The following PTP4A2 variants were observed in gnomAD, a reference collection of about 807,000 sequenced individuals.
PTP4A2 encodes protein tyrosine phosphatase 4A2, also known as protein tyrosine phosphatase type IVA 2.
In PTP4A2, 2 loss-of-function variants were observed where a neutral mutation model predicts 22.9. The observed-to-expected ratio is 0.09, with a 90% confidence interval of 0.04 to 0.27. The LOEUF (loss-of-function observed/expected upper bound fraction) is 0.27. Among genes scored for constraint, PTP4A2 ranks in the 10% least tolerant of loss-of-function variants. The pLI is 1.00. For missense variants in PTP4A2, 103 were observed against 205.1 expected, an observed-to-expected ratio of 0.50 and a Z score of 3.04; for synonymous variants, 68 against 69.1, an observed-to-expected ratio of 0.98 and a Z score of 0.08.
chr1:31,924,679 T>A (rs1005054804), intron 1 of PTP4A2, among the ~76,000 whole-genome samples: 2 of 152,224 alleles, frequency 1.3e-5, no homozygotes, highest in African/African-American at 4.8e-5. Flanking sequence ...GCTAGTTTAC[T>A]TGACATATAA....
Position 31,907,033 on chromosome 1 carries a change from GGA to G in PTP4A2, c.*1817_*1818del, listed in dbSNP as rs1651208671. ...TTATTTTGTTTTGTTTTCTGGGATG[GGA>G]GAGGAGAGAATCTACAGATTTGCGT... On this transcript the variant is annotated 3_prime_UTR_variant, in exon 6 of 6. Transcript: ENST00000647444. The G allele has an allele frequency of 6.6e-6, 1 of 152,172 alleles. No homozygotes were observed. Among genetic ancestry groups the G allele is most frequent in the African/African-American group, 2.4e-5 (1 of 41,418 alleles). The allele number at this position is 152,172 out of a possible 1,614,324, so 9.4% of individuals were successfully genotyped here.
At position 31,911,840 on chromosome 1, in the gene PTP4A2, AC is replaced by A; in HGVS notation, c.190-15del. Reference sequence around the variant, plus strand: ...AAATGGCCAATCCTGAAAAGAAATGACCTTTTACATTAAATTGATATTTTCT... The same window carrying A: ...AAATGGCCAATCCTGAAAAGAAATGACTTTTACATTAAATTGATATTTTCT... On this transcript the variant is annotated splice_polypyrimidine_tract_variant and intron_variant, in intron 3 of 5. Coordinates refer to ENST00000647444, the MANE Select transcript of PTP4A2 (RefSeq NM_080391.4). 1.9e-6 allele frequency: 3 copies of A among 1,547,502 alleles called. No individual in the cohort carries two copies. The highest frequency in any genetic ancestry group is 2.6e-6 in the Non-Finnish European group (3 of 1,147,464).
intron 1 of PTP4A2, among the ~76,000 whole-genome samples, chr1:31,923,464 A>T (rs1279756184): frequency 6.7e-6 from 1 of 149,676 alleles, no homozygotes; most frequent in Non-Finnish European, 1.5e-5. Context: ...CCTCCCGAGT[A>T]GCTGGGACTA....
chr1:31,919,075 TAAA>T lies in PTP4A2; in HGVS notation c.-13_-11del, dbSNP rs766344548. 3 of 1,501,190 alleles carry T rather than the reference TAAA, an allele frequency of 2.0e-6. No individual in the cohort carries two copies. Among genetic ancestry groups the T allele is most frequent in the East Asian group, 2.3e-5 (1 of 44,142 alleles). The allele number at this position is 1,501,190 out of a possible 1,614,324, so 93.0% of individuals were successfully genotyped here. ...GGGCTGGACGGTTCATTATGGCAAA[TAAA>T]AAGTGTGAGCGTGCGTGTGAGTGTG... On this transcript the variant is annotated 5_prime_UTR_variant, in exon 2 of 6. Transcript: ENST00000647444.
rs1287833429 is a variant in PTP4A2 at position 31,906,647 on chromosome 1, T to C, written c.*2205A>G. 1 of 152,052 alleles carries C rather than the reference T, an allele frequency of 6.6e-6. No individual in the cohort carries two copies. The highest frequency in any genetic ancestry group is 6.6e-5 in the Admixed American group (1 of 15,260). The allele number at this position is 152,052 out of a possible 1,614,324, so 9.4% of individuals were successfully genotyped here. On this transcript the variant is annotated 3_prime_UTR_variant, in exon 6 of 6. Transcript: ENST00000647444. ...ATAAAAGGAGGGCTAATGTTTCATG[T>C]TGCTTTATACATCCTTCTCCTCAAT... is the stretch of plus-strand genomic sequence containing the variant.
intron 1 of PTP4A2, among the ~76,000 whole-genome samples, chr1:31,920,730 G>A (rs940002550): frequency 1.3e-5 from 2 of 151,750 alleles, no homozygotes; most frequent in African/African-American, 4.8e-5. Flanking sequence ...TAGAGACGGG[G>A]CTTCACCACG....
intron 1 of PTP4A2, among the ~76,000 whole-genome samples, chr1:31,934,239 C>T (rs1652844405): frequency 6.6e-6 from 1 of 152,090 alleles, no homozygotes; most frequent in Non-Finnish European, 1.5e-5. Context: ...GCCTGGGCAA[C>T]AAGGGCAAAA....
At chr1:31,921,168 A>C (rs1020559690) in intron 1 of PTP4A2, among the ~76,000 whole-genome samples, 4 of 152,338 alleles carry the variant, frequency 2.6e-5, no homozygotes, top group African/African-American at 7.2e-5. Flanking sequence ...TTTAAAAATC[A>C]TTTCCCCTTT....
chr1:31,919,095 G>A lies in PTP4A2; in HGVS notation c.-30C>T, dbSNP rs767614232. ...GCAAATAAAAAGTGTGAGCGTGCGT[G>A]TGAGTGTGATGGGGAAAGTGAAAAA... is the stretch of plus-strand genomic sequence containing the variant. On this transcript the variant is annotated 5_prime_UTR_variant, in exon 2 of 6. Transcript: ENST00000647444. 1.8e-6 allele frequency: 2 copies of A among 1,142,654 alleles called. No individual in the cohort carries two copies. Among genetic ancestry groups the A allele is most frequent in the African/African-American group, 1.5e-5 (1 of 64,890 alleles). 70.8% of individuals were successfully genotyped at this position (1,142,654 alleles called of 1,614,324 possible). A position where few individuals can be genotyped will look rare whatever the true frequency, so the allele number is the denominator to read the frequency against.
chr1:31,917,130 T>A (rs1468899157), intron 2 of PTP4A2, among the ~76,000 whole-genome samples: 1 of 152,260 alleles, frequency 6.6e-6, no homozygotes, highest in East Asian at 1.9e-4. Context: ...CCTGTGCCAC[T>A]TCTGGAGACT....
rs138462840 is a variant in PTP4A2, at chr1:31,926,135, T to TAAA, written c.-593-6480_-593-6478dup. Among the ~76,000 whole-genome samples, 555 of 120,566 alleles carry TAAA rather than the reference T, an allele frequency of 4.6e-3. 6 individuals are homozygous for TAAA. The highest frequency in any genetic ancestry group is 0.016 in the African/African-American group (528 of 33,634). 79.1% of individuals were successfully genotyped at this position (120,566 alleles called of 152,430 possible). A position where few individuals can be genotyped will look rare whatever the true frequency, so the allele number is the denominator to read the frequency against. On this transcript the variant is annotated intron_variant, in intron 1 of 5. Coordinates refer to ENST00000647444, the MANE Select transcript of PTP4A2 (RefSeq NM_080391.4). ...AGAGCTAGATTCCGTTTCAAAAAAT[T>TAAA]AAAAAAAAAAAAAAATATATATATA...
chr1:31,914,699 C>A (rs146069779), intron 3 of PTP4A2, among the ~76,000 whole-genome samples: 1 of 152,176 alleles, frequency 6.6e-6, no homozygotes, highest in African/African-American at 2.4e-5. Flanking sequence ...CATTTCATTA[C>A]GTGCTCCTAA....
chr1:31,930,710 G>A (rs1258632663), intron 1 of PTP4A2, among the ~76,000 whole-genome samples: 1 of 152,134 alleles, frequency 6.6e-6, no homozygotes, highest in Non-Finnish European at 1.5e-5. Flanking sequence ...AAGATAAACA[G>A]TCAAGAATCC....
intron 3 of PTP4A2, chr1:31,914,326 C>T (rs1557862018): frequency 2.2e-6 from 1 of 455,396 alleles, no homozygotes; most frequent in East Asian, 7.0e-5. Context: ...CTTGGCCTCC[C>T]AGAGTGGTGG....
At chr1:31,929,907 T>C (rs1249316812) in intron 1 of PTP4A2, among the ~76,000 whole-genome samples, 4 of 152,230 alleles carry the variant, frequency 2.6e-5, no homozygotes, top group African/African-American at 9.6e-5. Flanking sequence ...TTAAAATGGC[T>C]GTAACAGCTG....
chr1:31,931,164 A>T (rs1303446033), intron 1 of PTP4A2: 1 of 152,246 alleles, frequency 6.6e-6, no homozygotes, highest in African/African-American at 2.4e-5. Context: ...AACGTGGGTG[A>T]AAAATGCTTG....
At position 31,930,220 on chromosome 1, in the gene PTP4A2, T is replaced by C. The variant is rs149885844; in HGVS notation, c.-594+7767A>G. ...GGGCGAGGTGGCGGGCGCCTGTAGTTCCAGCTACTAGGGAGGCTGAGGCAG... is the reference window on the plus strand; with the variant it reads ...GGGCGAGGTGGCGGGCGCCTGTAGTCCCAGCTACTAGGGAGGCTGAGGCAG... On this transcript the variant is annotated intron_variant, in intron 1 of 5. Coordinates refer to ENST00000647444, the MANE Select transcript of PTP4A2 (RefSeq NM_080391.4). Among the ~76,000 whole-genome samples the C allele has an allele frequency of 7.5e-3, 1,123 of 150,738 alleles. 8 individuals carry two copies. Among genetic ancestry groups the C allele is most frequent in the Non-Finnish European group, 0.012 (838 of 67,962 alleles).
intron 1 of PTP4A2, among the ~76,000 whole-genome samples, chr1:31,936,968 T>C (rs988186176): frequency 6.6e-6 from 1 of 152,196 alleles, no homozygotes; most frequent in African/African-American, 2.4e-5. Flanking sequence ...TCACTGCTAA[T>C]TTCTTGACAA....
At chr1:31,917,630 T>C (rs929521564) in intron 2 of PTP4A2, among the ~76,000 whole-genome samples, 1 of 152,126 alleles carries the variant, frequency 6.6e-6, no homozygotes, top group Admixed American at 6.5e-5. Flanking sequence ...CTCTACTCCA[T>C]AAATACAGCA....
Sources: gnomAD v4.1 joint callset for allele counts (sites outside exome capture counted in the v4.1 genomes callset) on GRCh38, gnomAD v4.1.1 for gene constraint, MANE v1.5 for transcripts, NCBI Gene and HGNC (gene_info 2026-07-23, HGNC 2026-07-21) for gene names.